Variants in GRAMD2B observed in about 807,000 individuals in gnomAD.
The protein encoded by GRAMD2B is GRAM domain containing 2B.
In GRAMD2B, 41 loss-of-function variants were observed where a neutral mutation model predicts 59.2. That is an observed-to-expected ratio of 0.69 (90% CI 0.54 to 0.90). GRAMD2B has a LOEUF of 0.90. GRAMD2B is among the 40% of genes least tolerant of loss of function. The pLI, the probability that GRAMD2B is intolerant of heterozygous loss-of-function variation, is 0.00. For missense variants in GRAMD2B, 424 were observed against 500.5 expected, an observed-to-expected ratio of 0.85 and a Z score of 1.46; for synonymous variants, 161 against 182.7, an observed-to-expected ratio of 0.88 and a Z score of 0.96.
intron 1 of GRAMD2B, among the ~76,000 whole-genome samples, chr5:126,429,577 A>G (rs1385843238): frequency 6.6e-6 from 1 of 152,218 alleles, no homozygotes; most frequent in Non-Finnish European, 1.5e-5. Flanking sequence ...TACTTCACCT[A>G]GTGCCTACAT....
intron 1 of GRAMD2B, among the ~76,000 whole-genome samples, chr5:126,456,613 C>T (rs975576852): frequency 1.3e-5 from 2 of 152,190 alleles, no homozygotes; most frequent in Non-Finnish European, 1.5e-5. Flanking sequence ...AACCTTATCT[C>T]TCAACTTCCT....
At chr5:126,416,133 C>A (rs973243938) in intron 1 of GRAMD2B, among the ~76,000 whole-genome samples, 1 of 152,076 alleles carries the variant, frequency 6.6e-6, no homozygotes, top group Non-Finnish European at 1.5e-5. Flanking sequence ...ATTCCATAAC[C>A]CTAAATTGTT....
At chr5:126,455,409 C>T (rs747564548) in intron 1 of GRAMD2B, among the ~76,000 whole-genome samples, 1 of 152,094 alleles carries the variant, frequency 6.6e-6, no homozygotes, top group African/African-American at 2.4e-5. Flanking sequence ...CTGCTTCTTC[C>T]TGCTGCCTGT....
chr5:126,426,365 A>T (rs1337732130), intron 1 of GRAMD2B, among the ~76,000 whole-genome samples: 1 of 152,030 alleles, frequency 6.6e-6, no homozygotes, highest in Non-Finnish European at 1.5e-5. Context: ...GCCTTCCTTC[A>T]TTACTGGCCA....
chr5:126,461,333 C>G (rs1207993248), intron 1 of GRAMD2B, among the ~76,000 whole-genome samples: 1 of 152,154 alleles, frequency 6.6e-6, no homozygotes. Context: ...AGTTCTAATT[C>G]TGAAAAATTG....
intron 1 of GRAMD2B, among the ~76,000 whole-genome samples, chr5:126,453,081 A>G (rs540510701): frequency 6.6e-6 from 1 of 152,316 alleles, no homozygotes; most frequent in Non-Finnish European, 1.5e-5. Flanking sequence ...AGCCCCAAAA[A>G]GGAACGAAGA....
intron 1 of GRAMD2B, among the ~76,000 whole-genome samples, chr5:126,393,419 A>C (rs1265226025): frequency 2.6e-5 from 4 of 152,252 alleles, no homozygotes; most frequent in Non-Finnish European, 5.9e-5. Context: ...AAAATATCAA[A>C]GTTCATGGAA....
At chr5:126,445,829 ATCTGAC>A (rs1476776305) in intron 1 of GRAMD2B, among the ~76,000 whole-genome samples, 1 of 152,192 alleles carries the variant, frequency 6.6e-6, no homozygotes, top group African/African-American at 2.4e-5. Context: ...AGAGAGCCGA[ATCTGAC>A]TCAGGTGTTG....
intron 1 of GRAMD2B, among the ~76,000 whole-genome samples, chr5:126,408,258 G>A (rs1250055084): frequency 3.3e-5 from 5 of 151,968 alleles, no homozygotes; most frequent in Non-Finnish European, 5.9e-5. Flanking sequence ...AGCTGCATTC[G>A]TGTTGCTGCA....
rs7715576 is a variant in GRAMD2B at position 126,424,626 on chromosome 5, A to G, written c.83+937A>G. Among the ~76,000 whole-genome samples, 1,067 of 152,336 alleles carry G rather than the reference A, an allele frequency of 7.0e-3. 15 individuals are homozygous for G. Among genetic ancestry groups the G allele is most frequent in the African/African-American group, 0.024 (1,018 of 41,584 alleles). On this transcript the variant is annotated intron_variant, in intron 1 of 13. Transcript: ENST00000285689. ...TTGAAGTCTGGGTGTCCCCATGGAC[A>G]TTTCTTCTAAGAGGATTAGAATGAC...
upstream of GRAMD2B, chr5:126,371,260 A>G (rs1754735612): frequency 5.6e-6 from 6 of 1,080,822 alleles, no homozygotes; most frequent in Non-Finnish European, 5.7e-6. Context: ...TGTCACACTG[A>G]TATGTTAATC....
At chr5:126,459,199 A>G (rs893020451) in intron 1 of GRAMD2B, 33 of 152,286 alleles carry the variant, frequency 2.2e-4, no homozygotes, top group African/African-American at 7.7e-4. Context: ...CCTTTTATCT[A>G]TCTGCTAATA....
intron 1 of GRAMD2B, 69 bp from the exon 2 acceptor site, chr5:126,465,357 C>A: frequency 6.2e-7 from 1 of 1,605,480 alleles, no homozygotes; most frequent in Non-Finnish European, 8.5e-7. Flanking sequence ...AACCATGTTA[C>A]TTCATCGTTT....
chr5:126,378,299 T>C (rs1417703316), intron 1 of GRAMD2B, among the ~76,000 whole-genome samples: 1 of 152,228 alleles, frequency 6.6e-6, no homozygotes, highest in Non-Finnish European at 1.5e-5. Context: ...TATGAAGAGA[T>C]CAATGAGTAT....
At chr5:126,451,719 A>C (rs1369551608) in intron 1 of GRAMD2B, among the ~76,000 whole-genome samples, 1 of 151,974 alleles carries the variant, frequency 6.6e-6, no homozygotes, top group African/African-American at 2.4e-5. Flanking sequence ...TATGGTTTGG[A>C]TATTTGTCCC....
At chr5:126,450,221 G>A (rs182490134) in intron 1 of GRAMD2B, among the ~76,000 whole-genome samples, 1 of 152,082 alleles carries the variant, frequency 6.6e-6, no homozygotes, top group African/African-American at 2.4e-5. Context: ...CGTCTCCACG[G>A]GGGTGGAGAG....
chr5:126,493,305 G>A lies in GRAMD2B; in HGVS notation c.*349G>A, dbSNP rs1012386532. 2.4e-5 allele frequency: 6 copies of A among 250,528 alleles called. No homozygotes were observed. The highest frequency in any genetic ancestry group is 9.7e-5 in the Admixed American group (2 of 20,620). The allele number at this position is 250,528 out of a possible 1,614,324, so 15.5% of individuals were successfully genotyped here. On this transcript the variant is annotated 3_prime_UTR_variant, in exon 14 of 14. Coordinates refer to ENST00000285689, the MANE Select transcript of GRAMD2B (RefSeq NM_023927.4). Reference sequence around the variant, plus strand: ...ACCCTGTGCCTTTTTAGTCCTTCCCGCCCTCCTGCCTCTCCCTTACACCCC... The same window carrying A: ...ACCCTGTGCCTTTTTAGTCCTTCCCACCCTCCTGCCTCTCCCTTACACCCC...
At chr5:126,473,237 G>T in intron 4 of GRAMD2B, 28 bp from the exon 5 acceptor site, 4 of 807,426 alleles carry the variant, frequency 5.0e-6, no homozygotes, top group Admixed American at 2.9e-5. Flanking sequence ...AATTCTAAAT[G>T]ATGCTGTGCC....
intron 5 of GRAMD2B, 29 bp downstream of exon 5, chr5:126,473,397 A>C: frequency 1.3e-6 from 1 of 786,196 alleles, no homozygotes; most frequent in Non-Finnish European, 2.0e-6. Flanking sequence ...AAAAATGCTA[A>C]CCCTATACTT....
Sources: gnomAD v4.1 joint callset for allele counts (sites outside exome capture counted in the v4.1 genomes callset) on GRCh38, gnomAD v4.1.1 for gene constraint, MANE v1.5 for transcripts, NCBI Gene and HGNC (gene_info 2026-07-23, HGNC 2026-07-21) for gene names.